Variants in CSMD1 observed in about 807,000 individuals in gnomAD.
The protein encoded by CSMD1 is CUB and sushi domain-containing protein 1.
A neutral mutation model predicts 417.5 loss-of-function variants in CSMD1; 213 were observed. The ratio of observed to expected loss-of-function variants is 0.51; its 90% CI spans 0.46 to 0.57. The LOEUF (loss-of-function observed/expected upper bound fraction) is 0.57, where lower values mean the gene tolerates loss of function less well. CSMD1 is among the 20% of genes least tolerant of loss of function. The probability of loss-of-function intolerance (pLI) is 0.00; values close to 1 mark genes in which losing one functional copy is unlikely to be tolerated. For synonymous variants in CSMD1, 2,862 were observed against 1,736.8 expected, an observed-to-expected ratio of 1.65 and a Z score of -16.11; for missense variants, 6,923 against 4,529.7, an observed-to-expected ratio of 1.53 and a Z score of -15.17.
At chr8:4,065,443 T>C (rs1473009268) in intron 3 of CSMD1, among the ~76,000 whole-genome samples, 3 of 152,216 alleles carry the variant, frequency 2.0e-5, no homozygotes, top group South Asian at 2.1e-4. Flanking sequence ...ATCAATATAA[T>C]AGGAAATTTG....
At chr8:4,362,820 T>C (rs1007335756) in intron 3 of CSMD1, among the ~76,000 whole-genome samples, 8 of 152,222 alleles carry the variant, frequency 5.3e-5, no homozygotes, top group Admixed American at 3.9e-4. Context: ...TTTGATTTTA[T>C]AATATGGGAT....
intron 3 of CSMD1, among the ~76,000 whole-genome samples, chr8:4,098,722 C>T (rs1044977470): frequency 6.6e-6 from 1 of 152,146 alleles, no homozygotes. Flanking sequence ...GGTTTATTTC[C>T]ATTCAGCAAT....
In CSMD1 at chr8:3,018,606, T is replaced by A. The variant is rs770109066; in HGVS notation, c.7900A>T (p.Ile2634Phe). The A allele has an allele frequency of 1.9e-6, 3 of 1,612,984 alleles. No homozygotes were observed. The highest frequency in any genetic ancestry group is 1.7e-5 in the Admixed American group (1 of 59,882). ...SLSFPPNGNK[I>F]GTLTVYGATA... ...GCCCCATAAACTGTCAACGTTCCAA[T>A]CTTGTTGCCATTTGGGGGAAAGGAA... The change falls in exon 52 of 70, where the codon ATT becomes TTT. Residue 2634 changes from isoleucine (I) to phenylalanine (F), a missense_variant. By Grantham distance (21) the Ile-to-Phe change is conservative (BLOSUM62 0). Transcript: ENST00000635120.
chr8:4,681,272 G>T (rs1162159705), intron 1 of CSMD1, among the ~76,000 whole-genome samples: 1 of 152,030 alleles, frequency 6.6e-6, no homozygotes, highest in African/African-American at 2.4e-5. Flanking sequence ...AGTCTGCTTG[G>T]CTTTTAACTT....
At chr8:4,204,572 G>A (rs888823744) in intron 3 of CSMD1, among the ~76,000 whole-genome samples, 42 of 152,120 alleles carry the variant, frequency 2.8e-4, no homozygotes, top group Admixed American at 1.0e-3. Context: ...TATACTGAGA[G>A]GAAGATTCAA....
rs200274919 is a variant in CSMD1, at chr8:4,325,839, G to C, written c.415+94114C>G. Among the ~76,000 whole-genome samples the C allele has an allele frequency of 5.3e-5, 8 of 152,064 alleles. No homozygotes were observed. The East Asian group carries it at 1.4e-3, about 26-fold the overall frequency. ...TGAGAACGACTGTAGATTAACAAAAGCTTATTCCACCTGATGGCTGGAATT... is the reference window on the plus strand; with the variant it reads ...TGAGAACGACTGTAGATTAACAAAACCTTATTCCACCTGATGGCTGGAATT... On this transcript the variant is annotated intron_variant, in intron 3 of 69. Transcript: ENST00000635120.
intron 12 of CSMD1, among the ~76,000 whole-genome samples, chr8:3,422,761 G>A (rs1357140584): frequency 1.3e-5 from 2 of 152,184 alleles, no homozygotes; most frequent in Non-Finnish European, 2.9e-5. Context: ...AATGTATGAA[G>A]AGCAGAAATG....
At chr8:4,581,905 A>G (rs1300037934) in intron 2 of CSMD1, among the ~76,000 whole-genome samples, 1 of 152,172 alleles carries the variant, frequency 6.6e-6, no homozygotes, top group Non-Finnish European at 1.5e-5. Context: ...TACATCCACC[A>G]TCAACTTGAG....
At chr8:3,835,429 G>A (rs1444662752) in intron 5 of CSMD1, among the ~76,000 whole-genome samples, 1 of 152,002 alleles carries the variant, frequency 6.6e-6, no homozygotes, top group Non-Finnish European at 1.5e-5. Flanking sequence ...GGACATGGAT[G>A]AAAGTGGAAA....
chr8:3,502,517 T>A (rs1187356939), intron 10 of CSMD1, among the ~76,000 whole-genome samples: 2 of 152,102 alleles, frequency 1.3e-5, no homozygotes, highest in African/African-American at 4.8e-5. Flanking sequence ...GACAGTGGAA[T>A]ATTATTCAGG....
At chr8:4,598,717 G>C (rs887114145) in intron 2 of CSMD1, among the ~76,000 whole-genome samples, 1 of 152,158 alleles carries the variant, frequency 6.6e-6, no homozygotes, top group Non-Finnish European at 1.5e-5. Context: ...GTGCCAGTGT[G>C]GGTACTGGTA....
intron 1 of CSMD1, among the ~76,000 whole-genome samples, chr8:4,664,222 C>T (rs1024401427): frequency 6.6e-6 from 1 of 152,142 alleles, no homozygotes; most frequent in South Asian, 2.1e-4. Context: ...ATCTTGGGGA[C>T]ATTTAAGAAA....
intron 3 of CSMD1, among the ~76,000 whole-genome samples, chr8:4,255,177 A>C (rs534237211): frequency 6.6e-6 from 1 of 152,208 alleles, no homozygotes; most frequent in Non-Finnish European, 1.5e-5. Flanking sequence ...CCCATGCTGG[A>C]AAGAGCATGA....
At chr8:4,305,759 T>A (rs1402189805) in intron 3 of CSMD1, among the ~76,000 whole-genome samples, 4 of 152,174 alleles carry the variant, frequency 2.6e-5, no homozygotes, top group Non-Finnish European at 5.9e-5. Context: ...ACACTACTGA[T>A]CTGTATTTTA....
intron 54 of CSMD1, among the ~76,000 whole-genome samples, chr8:2,984,745 C>T (rs1042086914): frequency 1.2e-4 from 18 of 152,216 alleles, no homozygotes; most frequent in African/African-American, 3.9e-4. Flanking sequence ...TCTAGGAAGT[C>T]AGGAATCCCA....
intron 41 of CSMD1, among the ~76,000 whole-genome samples, chr8:3,118,963 G>A (rs1387891782): frequency 5.3e-5 from 8 of 152,116 alleles, no homozygotes; most frequent in Non-Finnish European, 8.8e-5. Flanking sequence ...GGAGGATCAC[G>A]AGGTCAGGAG....
chr8:3,880,836 G>T (rs1192909305), intron 5 of CSMD1, among the ~76,000 whole-genome samples: 6 of 152,102 alleles, frequency 3.9e-5, no homozygotes, highest in Admixed American at 3.3e-4. Context: ...ATAACGTAAT[G>T]ACCTGCGCAT....
chr8:3,452,784 T>C (rs1319650893), intron 12 of CSMD1, among the ~76,000 whole-genome samples: 2 of 152,172 alleles, frequency 1.3e-5, no homozygotes, highest in Non-Finnish European at 2.9e-5. Context: ...TTCTCTTTTT[T>C]TGTTGTGTCT....
chr8:3,834,712 A>G (rs759768131), intron 5 of CSMD1, among the ~76,000 whole-genome samples: 14 of 152,122 alleles, frequency 9.2e-5, no homozygotes, highest in Non-Finnish European at 1.6e-4. Context: ...TCTTGGGCAG[A>G]TTAGAAATTT....
Sources: gnomAD v4.1 joint callset for allele counts (sites outside exome capture counted in the v4.1 genomes callset) on GRCh38, gnomAD v4.1.1 for gene constraint, MANE v1.5 for transcripts, NCBI Gene and HGNC (gene_info 2026-07-23, HGNC 2026-07-21) for gene names.